Variants in ST6GAL1 observed in about 807,000 individuals in gnomAD.
ST6GAL1 encodes beta-galactoside alpha-2,6-sialyltransferase 1.
ST6GAL1 carries 20 observed loss-of-function variants against 38.0 expected under a neutral mutation model. The ratio of observed to expected loss-of-function variants is 0.53; its 90% CI spans 0.37 to 0.77. The LOEUF (loss-of-function observed/expected upper bound fraction) is 0.77. Ranked by LOEUF, ST6GAL1 falls within the 30% of genes least tolerant of loss-of-function variation. The pLI, the probability that ST6GAL1 is intolerant of heterozygous loss-of-function variation, is 0.00. For synonymous variants in ST6GAL1, 196 were observed against 188.2 expected (o/e 1.04, Z -0.34); for missense variants, 432 against 496.4 (o/e 0.87, Z 1.23).
At chr3:186,965,485 T>C (rs1345643526) in intron 2 of ST6GAL1, among the ~76,000 whole-genome samples, 1 of 152,066 alleles carries the variant, frequency 6.6e-6, no homozygotes, top group Non-Finnish European at 1.5e-5. Flanking sequence ...AGGGAGCGGG[T>C]GGGACATCCG....
chr3:186,977,613 C>T (rs1162560213), intron 2 of ST6GAL1, among the ~76,000 whole-genome samples: 1 of 152,098 alleles, frequency 6.6e-6, no homozygotes, highest in African/African-American at 2.4e-5. Flanking sequence ...GGGCGGAAGG[C>T]AACTTGGAAG....
At chr3:186,934,827 T>C (rs930014018) in intron 1 of ST6GAL1, among the ~76,000 whole-genome samples, 4 of 151,726 alleles carry the variant, frequency 2.6e-5, no homozygotes, top group African/African-American at 7.3e-5. Flanking sequence ...AGTGCAGTGG[T>C]GCAATCTCGG....
intron 5 of ST6GAL1, among the ~76,000 whole-genome samples, chr3:187,065,005 CT>C (rs58334319): frequency 0.74 from 102,979 of 139,218 alleles, 37,831 homozygotes; most frequent in Middle Eastern, 0.8. Context: ...TCTTCTTTTT[CT>C]TTTTTTTTTT....
intron 1 of ST6GAL1, among the ~76,000 whole-genome samples, chr3:186,939,010 C>A (rs956280826): frequency 2.2e-4 from 26 of 120,490 alleles, no homozygotes; most frequent in Admixed American, 2.3e-4. Flanking sequence ...AGAAAGTCAA[C>A]CTAGGACCTT....
chr3:186,998,102 T>A (rs1351474447), intron 2 of ST6GAL1, among the ~76,000 whole-genome samples: 1 of 152,124 alleles, frequency 6.6e-6, no homozygotes, highest in African/African-American at 2.4e-5. Flanking sequence ...TTTAATTGTT[T>A]AAAAAATACG....
chr3:186,994,213 C>T (rs948209494), intron 2 of ST6GAL1, among the ~76,000 whole-genome samples: 3 of 152,214 alleles, frequency 2.0e-5, no homozygotes, highest in African/African-American at 7.2e-5. Flanking sequence ...ACAGTTCTGA[C>T]AGCCTCTTGA....
intron 2 of ST6GAL1, among the ~76,000 whole-genome samples, chr3:187,019,481 G>T (rs750679460): frequency 2.6e-5 from 4 of 152,166 alleles, no homozygotes; most frequent in Non-Finnish European, 5.9e-5. Context: ...CCATCTATAT[G>T]CTGTGTGTGT....
chr3:187,074,815 G>A (rs750751641), intron 7 of ST6GAL1, among the ~76,000 whole-genome samples: 41 of 151,914 alleles, frequency 2.7e-4, no homozygotes, highest in Non-Finnish European at 4.9e-4. Flanking sequence ...ATTTAAGGGC[G>A]TACCCCTTAA....
At chr3:187,041,222 T>A (rs1718114306) in intron 3 of ST6GAL1, among the ~76,000 whole-genome samples, 2 of 152,160 alleles carry the variant, frequency 1.3e-5, no homozygotes. Context: ...GGCAGAAATA[T>A]TAAGTGACCT....
chr3:187,040,349 G>A (rs533567987), intron 3 of ST6GAL1, among the ~76,000 whole-genome samples: 6 of 152,306 alleles, frequency 3.9e-5, no homozygotes, highest in South Asian at 2.1e-4. Flanking sequence ...AGACGAAGTT[G>A]CCTCTCTAGT....
At chr3:186,940,785 T>A (rs1018885933) in intron 1 of ST6GAL1, among the ~76,000 whole-genome samples, 12 of 17,518 alleles carry the variant, frequency 6.9e-4, no homozygotes, top group African/African-American at 3.1e-3. Context: ...ATGTCAGTGT[T>A]TTTTTTTTTT....
intron 2 of ST6GAL1, among the ~76,000 whole-genome samples, chr3:187,002,043 C>CTTTTTTTTTTTTTTTTTTTTTTTTTTTTT (rs1560158350): frequency 2.0e-5 from 3 of 151,618 alleles, no homozygotes; most frequent in African/African-American, 7.3e-5. Context: ...GCTTTGTTGC[C>CTTTTTTTTTTTTTTTTTTTTTTTTTTTTT]TTATATTGGT....
At chr3:186,991,287 G>A (rs568015495) in intron 2 of ST6GAL1, among the ~76,000 whole-genome samples, 5 of 152,222 alleles carry the variant, frequency 3.3e-5, no homozygotes, top group South Asian at 2.1e-4. Context: ...TGGGCCTAGC[G>A]GTGTGGTAGG....
chr3:187,019,494 G>A (rs1195467720), intron 2 of ST6GAL1, among the ~76,000 whole-genome samples: 1 of 152,192 alleles, frequency 6.6e-6, no homozygotes, highest in Non-Finnish European at 1.5e-5. Context: ...GTGTGTGTTT[G>A]TGTGTGTGTA....
intron 1 of ST6GAL1, among the ~76,000 whole-genome samples, chr3:186,938,016 G>A (rs1414913903): frequency 1.3e-5 from 2 of 152,330 alleles, no homozygotes; most frequent in Admixed American, 6.5e-5. Flanking sequence ...GGAGGTTGCA[G>A]TGAGCTGAGA....
intron 5 of ST6GAL1, among the ~76,000 whole-genome samples, chr3:187,061,101 TA>T (rs1718901458): frequency 6.6e-6 from 1 of 152,126 alleles, no homozygotes; most frequent in Non-Finnish European, 1.5e-5. Flanking sequence ...AAAGGAAATT[TA>T]AAAAACAATT....
intron 2 of ST6GAL1, among the ~76,000 whole-genome samples, chr3:187,002,414 G>A (rs1009652784): frequency 6.6e-6 from 1 of 152,178 alleles, no homozygotes; most frequent in Non-Finnish European, 1.5e-5. Flanking sequence ...AAAGACCCTT[G>A]AGCACAGCTC....
chr3:186,968,624 G>A (rs1397129730), intron 2 of ST6GAL1, among the ~76,000 whole-genome samples: 1 of 151,984 alleles, frequency 6.6e-6, no homozygotes, highest in Admixed American at 6.6e-5. Flanking sequence ...TATGTAAATG[G>A]AATTATACAG....
chr3:187,022,687 C>T (rs970366575), intron 2 of ST6GAL1, among the ~76,000 whole-genome samples: 1 of 151,544 alleles, frequency 6.6e-6, no homozygotes, highest in Non-Finnish European at 1.5e-5. Context: ...ACGTTTCCCC[C>T]ACCAAAGATG....
Sources: gnomAD v4.1 joint callset for allele counts (sites outside exome capture counted in the v4.1 genomes callset) on GRCh38, gnomAD v4.1.1 for gene constraint, MANE v1.5 for transcripts, NCBI Gene and HGNC (gene_info 2026-07-23, HGNC 2026-07-21) for gene names.